MTUS2: variants seen among roughly 807,000 people sequenced by gnomAD.
MTUS2 encodes the protein microtubule associated scaffold protein 2.
Under a neutral mutation model 114.1 loss-of-function variants are expected in MTUS2, and 40 were observed. The ratio of observed to expected loss-of-function variants is 0.35; its 90% confidence interval spans 0.27 to 0.46. The LOEUF (loss-of-function observed/expected upper bound fraction) is 0.46, where lower values mean the gene tolerates loss of function less well. MTUS2 is among the 20% of genes least tolerant of loss of function. MTUS2 has a pLI of 1.00. For synonymous variants in MTUS2, 688 were observed against 672.0 expected (o/e 1.02, Z -0.37); for missense variants, 1,679 against 1,705.4 (o/e 0.98, Z 0.27).
At chr13:29,188,215 A>C (rs1894302598) in intron 5 of MTUS2, among the ~76,000 whole-genome samples, 1 of 152,216 alleles carries the variant, frequency 6.6e-6, no homozygotes, top group African/African-American at 2.4e-5. Context: ...CTAAGAAGGT[A>C]GTCAGCTCTT....
At chr13:29,470,201 T>C (rs1880176014) in intron 9 of MTUS2, among the ~76,000 whole-genome samples, 6 of 152,180 alleles carry the variant, frequency 3.9e-5, no homozygotes, top group Admixed American at 3.9e-4. Flanking sequence ...GGCTCCATGC[T>C]TTTAATAACT....
rs1347335716 is a variant in MTUS2 at position 28,925,691 on chromosome 13, C to T, written c.-243+85841C>T. ...AAACTTTGGGCCGTGGGCAAGTTAACTCACCTCTGGTGTCTCAAATTCCTT... is the reference window on the plus strand; with the variant it reads ...AAACTTTGGGCCGTGGGCAAGTTAATTCACCTCTGGTGTCTCAAATTCCTT... On this transcript the variant is annotated intron_variant, in intron 2 of 15. Coordinates refer to ENST00000612955, the MANE Select transcript of MTUS2 (RefSeq NM_001033602.4). Among the ~76,000 whole-genome samples, 3 of 152,188 alleles carry T rather than the reference C, an allele frequency of 2.0e-5. No individual in the cohort carries two copies. The East Asian group carries it at 5.8e-4, about 29-fold the overall frequency.
chr13:29,190,401 A>G (rs1350200185), intron 5 of MTUS2, among the ~76,000 whole-genome samples: 3 of 152,230 alleles, frequency 2.0e-5, no homozygotes, highest in Non-Finnish European at 2.9e-5. Flanking sequence ...GCCCACATTT[A>G]TAAAGCTGGC....
At chr13:28,908,648 T>A (rs1013104094) in intron 2 of MTUS2, among the ~76,000 whole-genome samples, 2 of 151,520 alleles carry the variant, frequency 1.3e-5, no homozygotes, top group Non-Finnish European at 2.9e-5. Context: ...ATCCTTTGGG[T>A]ATATACCCAG....
chr13:29,092,008 C>T (rs781349492), intron 4 of MTUS2, among the ~76,000 whole-genome samples: 3 of 152,186 alleles, frequency 2.0e-5, no homozygotes, highest in Non-Finnish European at 4.4e-5. Context: ...TTGTTGTAGC[C>T]ACCCTGAAGA....
chr13:29,058,589 AT>A (rs1278595986), intron 4 of MTUS2, among the ~76,000 whole-genome samples: 5 of 113,016 alleles, frequency 4.4e-5, no homozygotes, highest in East Asian at 5.1e-4. Context: ...TTTAATTATT[AT>A]TTTTTTATTT....
intron 2 of MTUS2, among the ~76,000 whole-genome samples, chr13:28,849,232 T>A (rs1876088832): frequency 6.6e-6 from 1 of 152,130 alleles, no homozygotes; most frequent in Admixed American, 6.5e-5. Context: ...ACTTTCAGAG[T>A]TAGATAAATG....
chr13:29,070,656 T>A (rs1327360025), intron 4 of MTUS2, among the ~76,000 whole-genome samples: 39 of 152,094 alleles, frequency 2.6e-4, no homozygotes, highest in Non-Finnish European at 5.9e-5. Flanking sequence ...GAGGTTTATG[T>A]TGCTAAGGAT....
At chr13:28,976,435 A>G (rs1182524753) in intron 2 of MTUS2, among the ~76,000 whole-genome samples, 1 of 152,166 alleles carries the variant, frequency 6.6e-6, no homozygotes, top group Non-Finnish European at 1.5e-5. Flanking sequence ...TCATCGAGTA[A>G]GTAGTAGTGG....
At chr13:28,958,260 G>A (rs1477410419) in intron 2 of MTUS2, among the ~76,000 whole-genome samples, 2 of 152,228 alleles carry the variant, frequency 1.3e-5, no homozygotes, top group African/African-American at 2.4e-5. Context: ...ACCAGGCGGA[G>A]GGCGTTTTCC....
intron 7 of MTUS2, among the ~76,000 whole-genome samples, chr13:29,347,358 A>G (rs1412047170): frequency 6.6e-6 from 1 of 151,998 alleles, no homozygotes; most frequent in Non-Finnish European, 1.5e-5. Context: ...CTGGGTTTTC[A>G]TCTTCATTGA....
intron 4 of MTUS2, among the ~76,000 whole-genome samples, chr13:29,093,654 A>G (rs889809741): frequency 1.4e-4 from 21 of 152,150 alleles, no homozygotes; most frequent in Non-Finnish European, 2.5e-4. Context: ...ATAGTTTTTT[A>G]GTGGATTTCT....
intron 2 of MTUS2, among the ~76,000 whole-genome samples, chr13:28,995,116 T>A (rs1425533845): frequency 6.6e-6 from 1 of 152,246 alleles, no homozygotes; most frequent in African/African-American, 2.4e-5. Context: ...GCTTTCTACA[T>A]ATGGCTAGCC....
intron 5 of MTUS2, among the ~76,000 whole-genome samples, chr13:29,104,384 A>G (rs1890564222): frequency 6.6e-6 from 1 of 152,174 alleles, no homozygotes; most frequent in African/African-American, 2.4e-5. Flanking sequence ...TACAGGGAAG[A>G]TATATGCATG....
chr13:29,347,232 A>T (rs543265858), intron 7 of MTUS2, among the ~76,000 whole-genome samples: 2 of 152,284 alleles, frequency 1.3e-5, no homozygotes, highest in Non-Finnish European at 2.9e-5. Flanking sequence ...TCTTCTGCTT[A>T]TACTGGGTTT....
At chr13:28,849,634 G>A (rs184059167) in intron 2 of MTUS2, among the ~76,000 whole-genome samples, 1 of 152,164 alleles carries the variant, frequency 6.6e-6, no homozygotes. Flanking sequence ...CCCCATGGAC[G>A]CCATCTGTGC....
intron 5 of MTUS2, among the ~76,000 whole-genome samples, chr13:29,177,237 G>A (rs1354020198): frequency 6.6e-6 from 1 of 150,778 alleles, no homozygotes; most frequent in East Asian, 1.9e-4. Context: ...GTTCTGGGTT[G>A]GAGATAATAA....
chr13:28,928,103 A>G (rs891573907), intron 2 of MTUS2, among the ~76,000 whole-genome samples: 2 of 152,198 alleles, frequency 1.3e-5, no homozygotes, highest in Non-Finnish European at 2.9e-5. Context: ...AATCAAATAA[A>G]AATGGAATAA....
chr13:29,171,579 G>A (rs1420549245), intron 5 of MTUS2, among the ~76,000 whole-genome samples: 1 of 152,144 alleles, frequency 6.6e-6, no homozygotes, highest in Non-Finnish European at 1.5e-5. Context: ...GAAAAGATAA[G>A]GCATGTAAGT....
Sources: gnomAD v4.1 joint callset for allele counts (sites outside exome capture counted in the v4.1 genomes callset) on GRCh38, gnomAD v4.1.1 for gene constraint, MANE v1.5 for transcripts, NCBI Gene and HGNC (gene_info 2026-07-23, HGNC 2026-07-21) for gene names.